CD177: variants seen among roughly 807,000 people sequenced by gnomAD.
CD177 encodes CD177 molecule, also known as CD177 antigen.
CD177 carries 41 observed loss-of-function variants against 38.1 expected under a neutral mutation model. The observed-to-expected ratio is 1.07, with a 90% CI of 0.84 to 1.39. CD177 has a LOEUF of 1.39. Among genes scored for constraint, CD177 ranks in the 40% most tolerant of loss-of-function variants. The pLI is 0.00. For missense variants in CD177, 619 were observed against 523.8 expected, an observed-to-expected ratio of 1.18 and a Z score of -1.77; for synonymous variants, 236 against 216.7, an observed-to-expected ratio of 1.09 and a Z score of -0.78.
intron 8 of CD177, 55 bp downstream of exon 8, chr19:43,361,634 G>A: frequency 3.3e-6 from 5 of 1,522,252 alleles, no homozygotes; most frequent in Non-Finnish European, 4.5e-6. Flanking sequence ...CTGGACTCCT[G>A]GGTCTGAGGG....
In CD177 at chr19:43,355,740, G is replaced by C. The variant is rs781428266; in HGVS notation, c.459G>C (p.Lys153Asn). Residue 153 changes from lysine (K) to asparagine (N), a missense_variant, in exon 4 of 9, where the codon AAG becomes AAC. By Grantham distance (94) the Lys-to-Asn change is moderately conservative. Transcript: ENST00000618265. ...GGACAACAGAAGAGATCTGCCCCAA[G>C]GGGACCACACACTGTTATGATGGCC... ...LEGTTEEICP[K>N]GTTHCYDGLL... 3.1e-6 allele frequency: 5 copies of C among 1,612,976 alleles called. No individual in the cohort carries two copies. The African/African-American group carries it at 5.3e-5, about 17-fold the overall frequency.
intron 3 of CD177, chr19:43,354,603 C>T (rs1158499724): frequency 1.7e-6 from 1 of 604,614 alleles, no homozygotes; most frequent in Admixed American, 2.9e-5. Context: ...ACCGACCTGC[C>T]ACCCGGGAAT....
In CD177 at chr19:43,354,487, T is replaced by TCGCTATC. The variant is rs1297955348; in HGVS notation, c.379+97_379+103dup. 10 of 1,327,742 alleles carry TCGCTATC rather than the reference T, an allele frequency of 7.5e-6. No individual in the cohort carries two copies. The African/African-American group carries it at 1.2e-4, about 16-fold the overall frequency. The allele number at this position is 1,327,742 out of a possible 1,614,324, so 82.2% of individuals were successfully genotyped here. ...GTTACGGAGTCCCTCCCACCCTCGC[T>TCGCTATC]CGCTATCCCGACCCTCGCTGGCTCC... On this transcript the variant is annotated intron_variant, in intron 3 of 8. Transcript: ENST00000618265.
downstream of CD177, among the ~76,000 whole-genome samples, chr19:43,363,654 ATCTGCCAT>A (rs1242327146): frequency 2.0e-5 from 3 of 152,160 alleles, no homozygotes; most frequent in Admixed American, 6.5e-5. Context: ...GCCCCCATAG[ATCTGCCAT>A]TCACACTACA....
rs1276186240 is a variant in CD177, at chr19:43,353,739, C to CT, written c.26dup (p.Leu10ProfsTer36). 3.1e-6 allele frequency: 5 copies of CT among 1,613,796 alleles called. No homozygotes were observed. Among genetic ancestry groups the CT allele is most frequent in the Admixed American group, 1.7e-5 (1 of 60,000 alleles). ...CATGAGCGCGGTATTACTGCTGGCCCTCCTGGGGTTCATCCTCCCACTGCC... is the reference window on the plus strand; with the variant it reads ...CATGAGCGCGGTATTACTGCTGGCCCTTCCTGGGGTTCATCCTCCCACTGCC... On this transcript the variant is annotated frameshift_variant, in exon 1 of 9. Coordinates refer to ENST00000618265, the MANE Select transcript of CD177 (RefSeq NM_020406.4). LOFTEE classifies it high-confidence loss of function.
At position 43,361,976 on chromosome 19, in the gene CD177, G is replaced by A. The variant is rs1282100364; in HGVS notation, c.1082-112G>A. The stretch of plus-strand genomic sequence containing the variant: ...CCCTGGGTCTGAGGAGCTGGAGCTG[G>A]GGGTCTGGGCTCCTCGGTCTGAGGG... On this transcript the variant is annotated intron_variant, in intron 8 of 8. Coordinates refer to ENST00000618265, the MANE Select transcript of CD177 (RefSeq NM_020406.4). 8 of 843,560 alleles carry A rather than the reference G, an allele frequency of 9.5e-6. 1 individual carries two copies. Among genetic ancestry groups the A allele is most frequent in the Non-Finnish European group, 1.5e-5 (8 of 533,710 alleles). 52.3% of individuals were successfully genotyped at this position (843,560 alleles called of 1,614,324 possible).
chr19:43,354,456 G>T, intron 3 of CD177, 64 bp downstream of exon 3: 1 of 1,565,176 alleles, frequency 6.4e-7, no homozygotes, highest in Non-Finnish European at 8.8e-7. Flanking sequence ...TGAGCACAGA[G>T]GGGCTGTTAC....
chr19:43,361,861 AGCTGAGGCTCTGGACT>A (rs1969973021), intron 8 of CD177, among the ~76,000 whole-genome samples: 1 of 85,636 alleles, frequency 1.2e-5, no homozygotes, highest in Non-Finnish European at 2.2e-5. Context: ...GGGTCTGAGG[AGCTGAGGCTCTGGACT>A]CCTGGGTCTG....
chr19:43,354,117 G>T (rs781636811), intron 2 of CD177, 90 bp from the exon 3 acceptor site: 2 of 1,560,796 alleles, frequency 1.3e-6, no homozygotes, highest in Non-Finnish European at 1.7e-6. Context: ...CCCCTTTCCA[G>T]CCTCTCAGCC....
In CD177 at chr19:43,354,328, C is replaced by G; in HGVS notation, c.315C>G (p.Arg105=). 6.2e-7 allele frequency: 1 copy of G among 1,613,956 alleles called. No homozygotes were observed. The highest frequency in any genetic ancestry group is 2.2e-5 in the East Asian group (1 of 44,880). The change falls in exon 3 of 9, where the codon CGC becomes CGG. Residue 105 remains arginine, a synonymous_variant. Transcript: ENST00000618265. The part of the protein sequence containing the change: ...LSLISYTFVC[R]QEDFCNNLVN... ...TGATCTCCTACACCTTCGTGTGCCG[C>G]CAGGAGGACTTCTGCAACAACCTCG...
chr19:43,361,286 G>A lies in CD177; in HGVS notation c.904G>A (p.Ala302Thr), dbSNP rs1969959444. The change falls in exon 7 of 9, where the codon GCC (alanine) becomes ACC (threonine). Residue 302 changes from alanine to threonine, a missense_variant. Coordinates refer to ENST00000618265, the MANE Select transcript of CD177 (RefSeq NM_020406.4). ...HFCSSDLCNS[A>T]SSSSVLLNSL... ...CTGCTCCTCGGACCTGTGCAATAGT[G>A]CCAGCAGCAGCAGCGTTCTGCTGAA... The A allele has an allele frequency of 3.9e-6, 6 of 1,554,974 alleles. No homozygotes were observed. The South Asian group carries it at 5.7e-5, about 15-fold the overall frequency.
chr19:43,361,165 G>T lies in CD177; in HGVS notation c.783G>T (p.Gly261=), dbSNP rs782118273. The change falls in exon 7 of 9, where the codon GGG becomes GGT. Residue 261 remains glycine (G), a synonymous_variant. Transcript: ENST00000618265. ...CAGGACTCACATCAACCCTGGTGGGGACAAAAGGCTGCAGCACTGTTGGGG... is the reference window on the plus strand; with the variant it reads ...CAGGACTCACATCAACCCTGGTGGGTACAAAAGGCTGCAGCACTGTTGGGG... ...LDVGLTSTLV[G]TKGCSTVGAQ... The T allele has an allele frequency of 7.9e-5, 122 of 1,540,072 alleles. 6 individuals are homozygous for T. In the African/African-American group the frequency reaches 1.0e-3, roughly 13 times the overall value.
At chr19:43,354,552 G>A (rs1173671173) in intron 3 of CD177, 160 bp downstream of exon 3, 5 of 703,030 alleles carry the variant, frequency 7.1e-6, no homozygotes, top group East Asian at 5.5e-5. Flanking sequence ...GCCCCGCCCC[G>A]CTCCCTTTCC....
chr19:43,354,058 G>A (rs955596197), intron 2 of CD177, 65 bp downstream of exon 2: 1 of 1,581,038 alleles, frequency 6.3e-7, no homozygotes. Flanking sequence ...CCTGTGCAGG[G>A]ACCCGGGAGC....
In CD177 at chr19:43,355,757, A is replaced by G; in HGVS notation, c.476A>G (p.Tyr159Cys). Reference sequence around the variant, plus strand: ...TGCCCCAAGGGGACCACACACTGTTATGATGGCCTCCTCAGGCTCAGGGGA... The same window carrying G: ...TGCCCCAAGGGGACCACACACTGTTGTGATGGCCTCCTCAGGCTCAGGGGA... ...EICPKGTTHC[Y>C]DGLLRLRGGG... Residue 159 changes from tyrosine to cysteine, a missense_variant, in exon 4 of 9, where the codon TAT becomes TGT. Coordinates refer to ENST00000618265, the MANE Select transcript of CD177 (RefSeq NM_020406.4). 6.2e-7 allele frequency: 1 copy of G among 1,613,182 alleles called. No homozygotes were observed. Among genetic ancestry groups the G allele is most frequent in the Non-Finnish European group, 8.5e-7 (1 of 1,179,508 alleles).
chr19:43,363,373 CAGAG>C (rs10572342), downstream of CD177, among the ~76,000 whole-genome samples: 688 of 147,742 alleles, frequency 4.7e-3, 1 homozygote, highest in African/African-American at 6.8e-3. Context: ...AATCTGCAGA[CAGAG>C]AGAGAGAGAG....
chr19:43,354,548 C>A, intron 3 of CD177, 156 bp downstream of exon 3: 1 of 741,874 alleles, frequency 1.3e-6, no homozygotes, highest in South Asian at 1.7e-5. Flanking sequence ...CATCGCCCCG[C>A]CCCGCTCCCT....
rs773943587 is a variant in CD177, at chr19:43,361,448, C to T, written c.950C>T (p.Ala317Val). ...CCACCTTCCCTCTGCTCCCCAGCTGCCCCTGTCCCAGGAGACCGGCAGTGT... is the reference window on the plus strand; with the variant it reads ...CCACCTTCCCTCTGCTCCCCAGCTGTCCCTGTCCCAGGAGACCGGCAGTGT... ...VLLNSLPPQA[A>V]PVPGDRQCPT... Residue 317 changes from alanine to valine, a missense_variant, in exon 8 of 9, where the codon GCC becomes GTC. Coordinates refer to ENST00000618265, the MANE Select transcript of CD177 (RefSeq NM_020406.4). 8 of 1,589,338 alleles carry T rather than the reference C, an allele frequency of 5.0e-6. 1 individual carries two copies. The South Asian group carries it at 8.0e-5, about 16-fold the overall frequency.
At position 43,354,395 on chromosome 19, in the gene CD177, G is replaced by A. The variant is rs991797762; in HGVS notation, c.379+3G>A. The A allele has an allele frequency of 6.2e-7, 1 of 1,613,726 alleles. No homozygotes were observed. Among genetic ancestry groups the A allele is most frequent in the Non-Finnish European group, 8.5e-7 (1 of 1,179,806 alleles). The stretch of plus-strand genomic sequence containing the variant: ...TTGGGCCCCACAGCCCCCAGCAGGT[G>A]CCTGCGGGAGGGTCGGGAGGAGAGG... On this transcript the variant is annotated splice_donor_region_variant and intron_variant, in intron 3 of 8. Coordinates refer to ENST00000618265, the MANE Select transcript of CD177 (RefSeq NM_020406.4).
Sources: allele counts gnomAD v4.1 joint callset (sites outside exome capture counted in the v4.1 genomes callset), GRCh38; gene constraint gnomAD v4.1.1; transcripts MANE v1.5; gene names NCBI Gene and HGNC (gene_info 2026-07-23, HGNC 2026-07-21).